The following NOX4 variants were observed in gnomAD, a reference collection of about 807,000 sequenced individuals.
The protein encoded by NOX4 is kidney oxidase-1.
Under a neutral mutation model 87.6 loss-of-function variants are expected in NOX4, and 69 were observed. The ratio of observed to expected loss-of-function variants is 0.79; its 90% CI spans 0.65 to 0.96. The LOEUF (loss-of-function observed/expected upper bound fraction) is 0.96, where lower values mean the gene tolerates loss of function less well. Ranked by LOEUF, NOX4 falls within the 40% of genes least tolerant of loss-of-function variation. NOX4 has a pLI of 0.00. For missense variants in NOX4, 680 were observed against 681.5 expected (o/e 1.00, Z 0.02); for synonymous variants, 275 against 238.2 (o/e 1.15, Z -1.42).
chr11:89,518,616 C>T, the NOX4 span, among the ~76,000 whole-genome samples: 2 of 152,010 alleles, frequency 1.3e-5, no homozygotes, highest in Admixed American at 1.3e-4. Flanking sequence ...AAACCTGAAT[C>T]CACAGCACGT....
chr11:89,493,735 T>TATC (rs1946917404), upstream of NOX4, among the ~76,000 whole-genome samples: 1 of 145,082 alleles, frequency 6.9e-6, no homozygotes, highest in Non-Finnish European at 1.5e-5. Context: ...TTATTATTAT[T>TATC]ATTATTATTA....
chr11:89,523,906 T>C, the NOX4 span, among the ~76,000 whole-genome samples: 1 of 152,118 alleles, frequency 6.6e-6, no homozygotes, highest in Non-Finnish European at 1.5e-5. Flanking sequence ...TTTATTTACA[T>C]AAAAATTTAA....
At chr11:89,459,783 T>A (rs1396897602) in intron 2 of NOX4, among the ~76,000 whole-genome samples, 1 of 151,948 alleles carries the variant, frequency 6.6e-6, no homozygotes, top group East Asian at 1.9e-4. Context: ...TACCAATGAC[T>A]TTCTTCACAG....
intron 11 of NOX4, among the ~76,000 whole-genome samples, chr11:89,389,698 A>G (rs1352093803): frequency 6.6e-6 from 1 of 151,942 alleles, no homozygotes; most frequent in African/African-American, 2.4e-5. Context: ...TAGATGTCCA[A>G]AAGTAAGAGC....
chr11:89,520,189 G>A, the NOX4 span, among the ~76,000 whole-genome samples: 1 of 151,746 alleles, frequency 6.6e-6, no homozygotes, highest in African/African-American at 2.4e-5. Flanking sequence ...ATGCGCTACA[G>A]TTATTGCCCT....
At chr11:89,486,132 A>C (rs1946580061) in intron 2 of NOX4, among the ~76,000 whole-genome samples, 1 of 151,836 alleles carries the variant, frequency 6.6e-6, no homozygotes, top group Non-Finnish European at 1.5e-5. Context: ...AATAACCCAG[A>C]AATAAAAGTG....
chr11:89,410,219 A>G (rs1942404000), intron 8 of NOX4, among the ~76,000 whole-genome samples: 1 of 152,224 alleles, frequency 6.6e-6, no homozygotes, highest in African/African-American at 2.4e-5. Flanking sequence ...GTGGGAATCA[A>G]TATACTAGTT....
chr11:89,497,657 G>C (rs1336803258), intron 1 of NOX4, among the ~76,000 whole-genome samples: 1 of 152,166 alleles, frequency 6.6e-6, no homozygotes, highest in Non-Finnish European at 1.5e-5. Flanking sequence ...TGATGAGCTT[G>C]TTTGATTAAT....
chr11:89,407,662 T>C (rs76137731), intron 8 of NOX4, among the ~76,000 whole-genome samples: 4,097 of 152,134 alleles, frequency 0.027, 183 homozygotes, highest in African/African-American at 0.092. Flanking sequence ...TGCTTTCTGT[T>C]TGTTTCTTTC....
At position 89,427,072 on chromosome 11, in the gene NOX4, A is replaced by G. The variant is rs138340863; in HGVS notation, c.549-5090T>C. ...CAACATTTGCTATTCAGCAATATTC[A>G]CTGTTCTGCAGCCTGCACTGCTGAT... On this transcript the variant is annotated intron_variant, in intron 7 of 17. Coordinates refer to ENST00000263317, the MANE Select transcript of NOX4 (RefSeq NM_016931.5). Among the ~76,000 whole-genome samples the G allele has an allele frequency of 8.5e-4, 130 of 152,266 alleles. 3 individuals are homozygous for G. The East Asian group carries it at 0.024, about 28-fold the overall frequency.
chr11:89,510,192 G>T, the NOX4 span, among the ~76,000 whole-genome samples: 2 of 152,024 alleles, frequency 1.3e-5, no homozygotes, highest in African/African-American at 2.4e-5. Flanking sequence ...AACCTAGAAG[G>T]TACCCTGCTC....
chr11:89,463,090 AG>A (rs1945542760), intron 2 of NOX4, among the ~76,000 whole-genome samples: 1 of 151,964 alleles, frequency 6.6e-6, no homozygotes, highest in Admixed American at 6.5e-5. Flanking sequence ...AAATTGGGAT[AG>A]GAACTGAGGA....
At chr11:89,433,780 C>T (rs1591234983) in intron 6 of NOX4, among the ~76,000 whole-genome samples, 1 of 151,806 alleles carries the variant, frequency 6.6e-6, no homozygotes, top group Non-Finnish European at 1.5e-5. Context: ...ATAAAATGTG[C>T]AAATATATTG....
chr11:89,331,476 G>T (rs565950210), intron 17 of NOX4, among the ~76,000 whole-genome samples: 1 of 151,684 alleles, frequency 6.6e-6, no homozygotes, highest in East Asian at 1.9e-4. Context: ...AAAAATATAT[G>T]AAAATAAATG....
At chr11:89,464,800 T>C (rs1250455904) in intron 2 of NOX4, among the ~76,000 whole-genome samples, 4 of 152,170 alleles carry the variant, frequency 2.6e-5, no homozygotes, top group African/African-American at 4.8e-5. Context: ...AGATTTAAAA[T>C]GAGGAAGTAT....
At chr11:89,554,370 AT>A in the NOX4 span, among the ~76,000 whole-genome samples, 2 of 152,142 alleles carry the variant, frequency 1.3e-5, no homozygotes, top group Non-Finnish European at 2.9e-5. Flanking sequence ...TATCAAATTC[AT>A]TGATAAACCA....
chr11:89,564,621 A>T, the NOX4 span, among the ~76,000 whole-genome samples: 5 of 152,086 alleles, frequency 3.3e-5, no homozygotes, highest in East Asian at 9.6e-4. Context: ...AATAAGGTGG[A>T]GCTTGTTTGT....
intron 5 of NOX4, 44 bp from the exon 6 acceptor site, chr11:89,440,759 T>C (rs575656641): frequency 9.8e-6 from 11 of 1,121,736 alleles, no homozygotes; most frequent in Non-Finnish European, 1.4e-5. Context: ...ACTAAAGCAC[T>C]GATGATATAT....
chr11:89,586,298 A>G, the NOX4 span, among the ~76,000 whole-genome samples: 1 of 152,184 alleles, frequency 6.6e-6, no homozygotes, highest in Non-Finnish European at 1.5e-5. Context: ...GTCAGAATTT[A>G]TTGAGTACTT....
Sources: gnomAD v4.1 joint callset for allele counts (sites outside exome capture counted in the v4.1 genomes callset) on GRCh38, gnomAD v4.1.1 for gene constraint, MANE v1.5 for transcripts, NCBI Gene and HGNC (gene_info 2026-07-23, HGNC 2026-07-21) for gene names.